The following SH3GL3 variants were observed in gnomAD, a reference collection of about 807,000 sequenced individuals.
The protein encoded by SH3GL3 is SH3 domain containing GRB2 like 3, endophilin A3.
Under a neutral mutation model 47.7 loss-of-function variants are expected in SH3GL3, and 33 were observed. The observed-to-expected ratio is 0.69, with a 90% CI of 0.52 to 0.92. The LOEUF (loss-of-function observed/expected upper bound fraction) is 0.92. SH3GL3 is among the 40% of genes least tolerant of loss of function. SH3GL3 has a pLI of 0.00. For synonymous variants in SH3GL3, 155 were observed against 148.8 expected (o/e 1.04, Z -0.30); for missense variants, 363 against 417.8 (o/e 0.87, Z 1.14).
At chr15:83,530,595 C>T (rs947018693) in intron 1 of SH3GL3, among the ~76,000 whole-genome samples, 4 of 150,952 alleles carry the variant, frequency 2.6e-5, no homozygotes, top group East Asian at 1.9e-4. Context: ...TGAACCTCCC[C>T]GGCCCCTCCT....
At chr15:83,633,703 C>T in the SH3GL3 span, among the ~76,000 whole-genome samples, 1 of 152,174 alleles carries the variant, frequency 6.6e-6, no homozygotes, top group East Asian at 1.9e-4. Context: ...ATGCCAAGTC[C>T]CTCCTTTAAA....
intron 1 of SH3GL3, among the ~76,000 whole-genome samples, chr15:83,450,498 T>C (rs910255064): frequency 6.6e-6 from 1 of 152,060 alleles, no homozygotes; most frequent in Non-Finnish European, 1.5e-5. Flanking sequence ...GTTCCTTTTT[T>C]CCTGATACCT....
rs771716837 is a variant in SH3GL3 at position 83,559,337 on chromosome 15, T to C, written c.114+16T>C. ...CATGGAAAGGGTAAGAGCATTTTAA[T>C]ATGTAAATTGATTAGAAACTGACTT... On this transcript the variant is annotated intron_variant, in intron 2 of 8. Transcript: ENST00000427482. 6 of 1,396,726 alleles carry C rather than the reference T, an allele frequency of 4.3e-6. No individual in the cohort carries two copies. In the African/African-American group the frequency reaches 8.5e-5, roughly 20 times the overall value. The allele number at this position is 1,396,726 out of a possible 1,614,324, so 86.5% of individuals were successfully genotyped here. A position where few individuals can be genotyped will look rare whatever the true frequency, so the allele number is the denominator to read the frequency against.
intron 1 of SH3GL3, among the ~76,000 whole-genome samples, chr15:83,463,771 T>TTTC (rs2040426576): frequency 9.6e-6 from 1 of 104,666 alleles, no homozygotes; most frequent in African/African-American, 3.6e-5. Context: ...TTCTTTCTTT[T>TTTC]TTTTTTTTTT....
rs1471637236 is a variant in SH3GL3 at position 83,466,957 on chromosome 15, GAT to G, written c.45+19382_45+19383del. On this transcript the variant is annotated intron_variant, in intron 1 of 8. Transcript: ENST00000427482. ...TATTATAGATATTAGTCCTCTGTTG[GAT>G]ATGTGTTTGCAAATGTTTTCTACCA... is the stretch of plus-strand genomic sequence containing the variant. Among the ~76,000 whole-genome samples, 4 of 152,234 alleles carry G rather than the reference GAT, an allele frequency of 2.6e-5. No individual in the cohort carries two copies. The South Asian group carries it at 8.3e-4, about 32-fold the overall frequency.
At chr15:83,591,746 C>T (rs1327424158) in intron 8 of SH3GL3, among the ~76,000 whole-genome samples, 3 of 152,036 alleles carry the variant, frequency 2.0e-5, no homozygotes, top group East Asian at 1.9e-4. Flanking sequence ...AGTGCAGTGG[C>T]GCCATCTCGG....
chr15:83,624,408 T>C, the SH3GL3 span, among the ~76,000 whole-genome samples: 1 of 152,138 alleles, frequency 6.6e-6, no homozygotes. Flanking sequence ...GTGATCCTAC[T>C]TGACGCAGGT....
At chr15:83,605,102 G>C (rs777897798) in intron 8 of SH3GL3, among the ~76,000 whole-genome samples, 3 of 152,174 alleles carry the variant, frequency 2.0e-5, no homozygotes, top group Non-Finnish European at 4.4e-5. Flanking sequence ...CTAGAAGGGC[G>C]ATGTACAGAG....
At chr15:83,557,522 T>A (rs1327293021) in intron 1 of SH3GL3, among the ~76,000 whole-genome samples, 1 of 152,148 alleles carries the variant, frequency 6.6e-6, no homozygotes, top group Non-Finnish European at 1.5e-5. Flanking sequence ...AGCAATACCG[T>A]TTATTGGACT....
chr15:83,622,338 G>A (rs2060917413), downstream of SH3GL3, among the ~76,000 whole-genome samples: 1 of 152,170 alleles, frequency 6.6e-6, no homozygotes, highest in Admixed American at 6.5e-5. Flanking sequence ...TCACAAAGCA[G>A]CCCTTTTCCA....
chr15:83,478,555 T>C (rs991573204), intron 1 of SH3GL3, among the ~76,000 whole-genome samples: 1 of 152,248 alleles, frequency 6.6e-6, no homozygotes, highest in Admixed American at 6.5e-5. Flanking sequence ...AGAAATTATG[T>C]ATCTCAAGTG....
chr15:83,595,166 C>T (rs1405954502), intron 8 of SH3GL3, among the ~76,000 whole-genome samples: 2 of 152,040 alleles, frequency 1.3e-5, no homozygotes, highest in Non-Finnish European at 2.9e-5. Flanking sequence ...GGACAGTACA[C>T]GGCCATAAAA....
chr15:83,605,472 C>T (rs1172708165), intron 8 of SH3GL3, among the ~76,000 whole-genome samples: 2 of 152,054 alleles, frequency 1.3e-5, no homozygotes, highest in Non-Finnish European at 2.9e-5. Flanking sequence ...AAGCATTTCA[C>T]TAACAAATGA....
At chr15:83,528,928 C>CT (rs1441449767) in intron 1 of SH3GL3, among the ~76,000 whole-genome samples, 1 of 152,200 alleles carries the variant, frequency 6.6e-6, no homozygotes, top group Non-Finnish European at 1.5e-5. Flanking sequence ...GTAACAGTCA[C>CT]TTCTTCCATT....
chr15:83,508,579 T>A (rs2042612732), intron 1 of SH3GL3, among the ~76,000 whole-genome samples: 1 of 151,930 alleles, frequency 6.6e-6, no homozygotes, highest in Admixed American at 6.6e-5. Context: ...AAGATGGGCT[T>A]ACTTTTTTTT....
chr15:83,620,116 A>G (rs1292155532), downstream of SH3GL3, among the ~76,000 whole-genome samples: 1 of 152,254 alleles, frequency 6.6e-6, no homozygotes, highest in Non-Finnish European at 1.5e-5. Flanking sequence ...ATTCAGTCAC[A>G]TCTTCAGTCT....
downstream of SH3GL3, among the ~76,000 whole-genome samples, chr15:83,623,157 A>G (rs1170066882): frequency 6.6e-6 from 1 of 152,248 alleles, no homozygotes; most frequent in East Asian, 1.9e-4. Context: ...GAAAATGAAT[A>G]TGGAGGTAGA....
intron 4 of SH3GL3, among the ~76,000 whole-genome samples, chr15:83,569,263 A>G (rs1596280856): frequency 6.6e-6 from 1 of 152,314 alleles, no homozygotes; most frequent in South Asian, 2.1e-4. Context: ...AAACTACAGT[A>G]AGGCTATAGT....
chr15:83,506,848 G>A (rs1038729600), intron 1 of SH3GL3, among the ~76,000 whole-genome samples: 2 of 151,906 alleles, frequency 1.3e-5, no homozygotes, highest in Non-Finnish European at 2.9e-5. Context: ...CTCCTTCAGC[G>A]ATAAAGGCTC....
Sources: gnomAD v4.1 joint callset for allele counts (sites outside exome capture counted in the v4.1 genomes callset) on GRCh38, gnomAD v4.1.1 for gene constraint, MANE v1.5 for transcripts, NCBI Gene and HGNC (gene_info 2026-07-23, HGNC 2026-07-21) for gene names.